The following RABGAP1L variants were observed in gnomAD, a reference collection of about 807,000 sequenced individuals.
RABGAP1L encodes rab GTPase-activating protein 1-like.
RABGAP1L carries 63 observed loss-of-function variants against 137.7 expected under a neutral mutation model. That is an observed-to-expected ratio of 0.46 (90% CI 0.37 to 0.56). RABGAP1L has a LOEUF of 0.56. Among genes scored for constraint, RABGAP1L ranks in the 20% least tolerant of loss-of-function variants. The pLI, the probability that RABGAP1L is intolerant of heterozygous loss-of-function variation, is 0.00. For synonymous variants in RABGAP1L, 431 were observed against 433.7 expected (o/e 0.99, Z 0.08); for missense variants, 1,095 against 1,244.0 (o/e 0.88, Z 1.80).
intron 18 of RABGAP1L, among the ~76,000 whole-genome samples, chr1:174,804,409 T>G (rs1361155823): frequency 6.6e-6 from 1 of 151,858 alleles, no homozygotes; most frequent in Non-Finnish European, 1.5e-5. Context: ...CAGCTGGGAC[T>G]ACAGGCGCCC....
At chr1:174,439,839 C>T (rs1260343213) in intron 13 of RABGAP1L, among the ~76,000 whole-genome samples, 1 of 152,210 alleles carries the variant, frequency 6.6e-6, no homozygotes, top group Non-Finnish European at 1.5e-5. Flanking sequence ...AGTGTAGGCA[C>T]TTGAAATGCA....
chr1:174,524,119 T>C (rs1451982886), intron 13 of RABGAP1L, among the ~76,000 whole-genome samples: 1 of 152,216 alleles, frequency 6.6e-6, no homozygotes, highest in East Asian at 1.9e-4. Context: ...CCCTTTGATA[T>C]ACTGACTTCT....
At chr1:174,934,382 C>T (rs1242395769) in intron 19 of RABGAP1L, among the ~76,000 whole-genome samples, 6 of 152,230 alleles carry the variant, frequency 3.9e-5, no homozygotes, top group East Asian at 1.9e-4. Context: ...CCACCACGCC[C>T]GGCCGAAAGT....
Position 174,846,083 on chromosome 1 carries a change from T to C in RABGAP1L, c.2340+34123T>C, listed in dbSNP as rs1292398612. ...GGATCGGTGGTGATATCCCCTTTAT[T>C]ATTTTTTATTGTGTCTATTTGATTC... On this transcript the variant is annotated intron_variant, in intron 19 of 25. Coordinates refer to ENST00000681986, the MANE Select transcript of RABGAP1L (RefSeq NM_001366446.1). 6.6e-3 allele frequency among the ~76,000 whole-genome samples: 993 copies of C among 150,374 alleles called. 8 individuals carry two copies. The highest frequency in any genetic ancestry group is 0.023 in the African/African-American group (940 of 40,344).
intron 19 of RABGAP1L, among the ~76,000 whole-genome samples, chr1:174,814,056 A>AT (rs1012664397): frequency 3.9e-5 from 6 of 151,982 alleles, no homozygotes; most frequent in East Asian, 1.9e-4. Context: ...TATAGGGAAA[A>AT]TTTTTTTCTC....
chr1:174,742,017 T>A (rs1572994528), intron 17 of RABGAP1L, among the ~76,000 whole-genome samples: 1 of 129,776 alleles, frequency 7.7e-6, no homozygotes, highest in Admixed American at 9.0e-5. Flanking sequence ...CCAGCCTGGG[T>A]GACAGAGCAA....
At chr1:174,599,521 G>A (rs1026184787) in intron 13 of RABGAP1L, among the ~76,000 whole-genome samples, 1 of 152,112 alleles carries the variant, frequency 6.6e-6, no homozygotes, top group African/African-American at 2.4e-5. Flanking sequence ...TTGTAGGATA[G>A]GTCAGCAATT....
chr1:174,391,385 T>G (rs1687199011), intron 12 of RABGAP1L, among the ~76,000 whole-genome samples: 1 of 152,216 alleles, frequency 6.6e-6, no homozygotes, highest in Admixed American at 6.5e-5. Flanking sequence ...TGGTGTGACC[T>G]TAGCTCATTT....
At chr1:174,436,485 C>A (rs573985237) in intron 13 of RABGAP1L, among the ~76,000 whole-genome samples, 2 of 152,256 alleles carry the variant, frequency 1.3e-5, no homozygotes, top group South Asian at 4.1e-4. Context: ...ATCCTTCACC[C>A]ACTTTTTGAT....
chr1:174,738,073 G>T (rs537653432), intron 17 of RABGAP1L, among the ~76,000 whole-genome samples: 1 of 152,276 alleles, frequency 6.6e-6, no homozygotes, highest in East Asian at 1.9e-4. Context: ...ACCATGTTTG[G>T]TGGCATCATG....
intron 18 of RABGAP1L, among the ~76,000 whole-genome samples, chr1:174,765,367 A>T (rs1447165547): frequency 6.6e-6 from 1 of 152,146 alleles, no homozygotes; most frequent in African/African-American, 2.4e-5. Flanking sequence ...TCTTTTTTGG[A>T]GAAATGGCTG....
chr1:174,444,579 T>G (rs558382062), intron 13 of RABGAP1L, among the ~76,000 whole-genome samples: 3 of 152,232 alleles, frequency 2.0e-5, no homozygotes, highest in South Asian at 4.1e-4. Context: ...TCTGGGCATG[T>G]CTTTGATGGG....
intron 18 of RABGAP1L, among the ~76,000 whole-genome samples, chr1:174,755,305 G>C (rs1684650370): frequency 1.3e-5 from 2 of 152,212 alleles, no homozygotes; most frequent in Admixed American, 1.3e-4. Context: ...TTTGTGTCCA[G>C]TAGGTAGGTC....
intron 13 of RABGAP1L, among the ~76,000 whole-genome samples, chr1:174,437,024 A>G (rs1344160353): frequency 6.6e-6 from 1 of 152,262 alleles, no homozygotes; most frequent in Non-Finnish European, 1.5e-5. Context: ...TGTTAGAAGG[A>G]AAACTAACAA....
intron 13 of RABGAP1L, among the ~76,000 whole-genome samples, chr1:174,525,944 G>A (rs1264474189): frequency 2.6e-5 from 4 of 151,994 alleles, no homozygotes; most frequent in Non-Finnish European, 5.9e-5. Context: ...TGATTGATTT[G>A]CATATATTAA....
intron 18 of RABGAP1L, among the ~76,000 whole-genome samples, chr1:174,791,763 C>A (rs1316177947): frequency 6.6e-6 from 1 of 152,196 alleles, no homozygotes; most frequent in East Asian, 1.9e-4. Flanking sequence ...GACGCTGTGG[C>A]TGAGCTGCCA....
rs6674330 is a variant in RABGAP1L, at chr1:174,910,711, C to A, written c.2341-46746C>A. Among the ~76,000 whole-genome samples the A allele has an allele frequency of 2.7e-3, 416 of 152,278 alleles. 4 individuals are homozygous for A. The highest frequency in any genetic ancestry group is 8.3e-3 in the African/African-American group (343 of 41,562). ...AGAACTGATAAACAAATTCAGTAAA[C>A]TTGCAGCATACAAAATCAACATACA... is the stretch of plus-strand genomic sequence containing the variant. On this transcript the variant is annotated intron_variant, in intron 19 of 25. Coordinates refer to ENST00000681986, the MANE Select transcript of RABGAP1L (RefSeq NM_001366446.1).
chr1:174,851,992 A>G (rs761305286), intron 19 of RABGAP1L, among the ~76,000 whole-genome samples: 1 of 152,164 alleles, frequency 6.6e-6, no homozygotes, highest in East Asian at 1.9e-4. Context: ...AATTAACCCA[A>G]TTTTGTTCCA....
chr1:174,888,144 G>C (rs1364422861), intron 19 of RABGAP1L, among the ~76,000 whole-genome samples: 1 of 152,094 alleles, frequency 6.6e-6, no homozygotes, highest in Admixed American at 6.6e-5. Context: ...TGGTAGTGAG[G>C]CTACTATAAA....
Sources: allele counts gnomAD v4.1 joint callset (sites outside exome capture counted in the v4.1 genomes callset), GRCh38; gene constraint gnomAD v4.1.1; transcripts MANE v1.5; gene names NCBI Gene and HGNC (gene_info 2026-07-23, HGNC 2026-07-21).